Variants in KIF19 observed in about 807,000 individuals in gnomAD.
The protein encoded by KIF19 is kinesin family member 19.
In KIF19, 98 loss-of-function variants were observed where a neutral mutation model predicts 106.6. The observed-to-expected ratio is 0.92, with a 90% CI of 0.78 to 1.09. The LOEUF (loss-of-function observed/expected upper bound fraction) is 1.09, where lower values mean the gene tolerates loss of function less well. Ranked by LOEUF, KIF19 falls within the 50% of genes least tolerant of loss-of-function variation. KIF19 has a pLI of 0.00. For missense variants in KIF19, 1,373 were observed against 1,414.3 expected (o/e 0.97, Z 0.47); for synonymous variants, 516 against 584.2 (o/e 0.88, Z 1.68).
rs1281956060 is a variant in KIF19 at position 74,331,930 on chromosome 17, A to T, written c.120+3425A>T. Among the ~76,000 whole-genome samples, 1 of 152,144 alleles carries T rather than the reference A, an allele frequency of 6.6e-6. No homozygotes were observed. The highest frequency in any genetic ancestry group is 6.5e-5 in the Admixed American group (1 of 15,276). ...GTTGCCTTGGAAGGCCAGTGATTCC[A>T]GGACCCCGTTCAATTCCATTAGTAG... On this transcript the variant is annotated intron_variant, in intron 2 of 19. Transcript: ENST00000389916. The surrounding 1 kb of genome is among the most constrained non-coding windows in gnomAD (Gnocchi z 4.1).
At position 74,352,045 on chromosome 17, in the gene KIF19, C is replaced by A; in HGVS notation, c.1766C>A (p.Ala589Glu). 1 of 1,578,364 alleles carries A rather than the reference C, an allele frequency of 6.3e-7. No individual in the cohort carries two copies. The change falls in exon 13 of 20, where the codon GCG becomes GAG. Residue 589 changes from alanine (A) to glutamate (E), a missense_variant. By Grantham distance (107) the Ala-to-Glu change is moderately radical. Coordinates refer to ENST00000389916, the MANE Select transcript of KIF19 (RefSeq NM_153209.4). ...MQSHALLRDG[A>E]LRHRHEAVRR... is the part of the protein sequence containing the mutation. ...TCGCACGCGCTGCTCCGCGACGGTG[C>A]GCTCCGCCACCGCCACGAGGCCGTG...
rs1352098297 is a variant in KIF19, at chr17:74,352,335, C to G, written c.1975C>G (p.Leu659Val). 1 of 1,606,722 alleles carries G rather than the reference C, an allele frequency of 6.2e-7. No homozygotes were observed. The highest frequency in any genetic ancestry group is 1.7e-4 in the Middle Eastern group (1 of 6,038). The change falls in exon 14 of 20, where the codon CTG (leucine) becomes GTG (valine). Residue 659 changes from leucine (L) to valine (V), a missense_variant. Leu to Val is a conservative substitution (Grantham distance 32, BLOSUM62 1). This residue lies in a region of KIF19 where 1,020 missense variants were observed against 1,008.2 expected (regional missense o/e 1.01). Coordinates refer to ENST00000389916, the MANE Select transcript of KIF19 (RefSeq NM_153209.4). The stretch of plus-strand genomic sequence containing the variant: ...CATGGACCAAGTGGCCTCCAGGGCC[C>G]TGCAGGTGGGTGGGCGCCTGGGCGG... Reference protein sequence around the residue: ...TIMDQVASRALQDSSLPKITP... With the variant: ...TIMDQVASRAVQDSSLPKITP...
chr17:74,347,430 G>A (rs979068434), intron 8 of KIF19, among the ~76,000 whole-genome samples: 2 of 151,852 alleles, frequency 1.3e-5, no homozygotes, highest in Non-Finnish European at 2.9e-5. Context: ...CCAGCTACTC[G>A]AGAGGCTGAG....
chr17:74,340,555 G>GCGCGCGCACACACACACACACACA, intron 2 of KIF19, among the ~76,000 whole-genome samples: 2 of 148,210 alleles, frequency 1.3e-5, no homozygotes, highest in African/African-American at 5.0e-5. Context: ...ATGCGCGCGC[G>GCGCGCGCACACACACACACACACA]TACACACACA....
At position 74,351,941 on chromosome 17, in the gene KIF19, C is replaced by CGGCT; in HGVS notation, c.1663_1666dup (p.Ser556TrpfsTer125). On this transcript the variant is annotated frameshift_variant, in exon 13 of 20. Transcript: ENST00000389916. LOFTEE classifies it high-confidence loss of function. ...TGGAGGAGACGCTGCCGCGGCGCAT[C>CGGCT]GGCTCCGAGGAGCAGCGCGAGGTGC... 1 of 1,467,894 alleles carries CGGCT rather than the reference C, an allele frequency of 6.8e-7. No individual in the cohort carries two copies. Among genetic ancestry groups the CGGCT allele is most frequent in the South Asian group, 1.3e-5 (1 of 76,836 alleles). The allele number at this position is 1,467,894 out of a possible 1,614,324, so 90.9% of individuals were successfully genotyped here. A position where few individuals can be genotyped will look rare whatever the true frequency, so the allele number is the denominator to read the frequency against.
In KIF19 at chr17:74,352,132, T is replaced by C; in HGVS notation, c.1853T>C (p.Ile618Thr). The C allele has an allele frequency of 6.3e-7, 1 of 1,582,348 alleles. No individual in the cohort carries two copies. The highest frequency in any genetic ancestry group is 8.6e-7 in the Non-Finnish European group (1 of 1,161,356). The change falls in exon 13 of 20, where the codon ATC becomes ACC. Residue 618 changes from isoleucine to threonine, a missense_variant. Ile to Thr is a moderately conservative substitution (Grantham distance 89, BLOSUM62 -1). Coordinates refer to ENST00000389916, the MANE Select transcript of KIF19 (RefSeq NM_153209.4). ...ATTATCCAGGGCCAGCGGCAGATCA[T>C]CGACGGTAGGGCCCACGCCCCCGCG... Reference protein sequence around the residue: ...DEIIQGQRQIIDDYNLAVPQR... With the variant: ...DEIIQGQRQITDDYNLAVPQR...
intron 14 of KIF19, 135 bp from the exon 15 acceptor site, chr17:74,352,686 A>G: frequency 5.3e-6 from 6 of 1,129,516 alleles, no homozygotes; most frequent in Non-Finnish European, 7.7e-6. Flanking sequence ...GAGGACCCAA[A>G]CACAAGCCCA....
chr17:74,354,915 T>C lies in KIF19; in HGVS notation c.2840T>C (p.Val947Ala). 6.3e-7 allele frequency: 1 copy of C among 1,576,072 alleles called. No homozygotes were observed. Among genetic ancestry groups the C allele is most frequent in the Non-Finnish European group, 8.6e-7 (1 of 1,161,212 alleles). ...LGKVTLPLAK[V>A]KLPPSQNTGP... The stretch of plus-strand genomic sequence containing the variant: ...AAGGTCACGCTACCTTTGGCCAAAG[T>C]CAAACTCCCTCCAAGCCAGAACACG... The change falls in exon 19 of 20, where the codon GTC becomes GCC. Residue 947 changes from valine to alanine, a missense_variant. This residue lies in a region of KIF19 where 1,020 missense variants were observed against 1,008.2 expected (regional missense o/e 1.01). Coordinates refer to ENST00000389916, the MANE Select transcript of KIF19 (RefSeq NM_153209.4).
At chr17:74,336,447 A>G (rs780682718) in intron 2 of KIF19, among the ~76,000 whole-genome samples, 21 of 152,246 alleles carry the variant, frequency 1.4e-4, no homozygotes, top group Non-Finnish European at 2.8e-4. Flanking sequence ...TCCCCTTTTC[A>G]TAACGACACT....
chr17:74,341,799 T>C (rs2054379890), intron 2 of KIF19, 77 bp from the exon 3 acceptor site: 8 of 965,870 alleles, frequency 8.3e-6, no homozygotes, highest in African/African-American at 1.6e-5. Context: ...TTAACTTTGT[T>C]AACCTTCCTG....
At chr17:74,332,210 T>TTTGTGTGTG (rs2054109578) in intron 2 of KIF19, among the ~76,000 whole-genome samples, 120 of 108,830 alleles carry the variant, frequency 1.1e-3, no homozygotes, top group African/African-American at 4.2e-3. Flanking sequence ...GTGTGTGTGT[T>TTTGTGTGTG]TGTGTGTGTG....
Position 74,331,366 on chromosome 17 carries a change from A to AC in KIF19, c.120+2863dup, listed in dbSNP as rs1237094385. 8.0e-6 allele frequency among the ~76,000 whole-genome samples: 1 copy of AC among 125,386 alleles called. No homozygotes were observed. The highest frequency in any genetic ancestry group is 1.9e-5 in the Non-Finnish European group (1 of 53,256). 82.3% of individuals were successfully genotyped at this position (125,386 alleles called of 152,430 possible). The stretch of plus-strand genomic sequence containing the variant: ...GTTCGTCCTGAGTGGGGAGAGGTGG[A>AC]CCGGGGACACAGTAACCCGCTGGGC... On this transcript the variant is annotated intron_variant, in intron 2 of 19. Coordinates refer to ENST00000389916, the MANE Select transcript of KIF19 (RefSeq NM_153209.4). The surrounding 1 kb of genome is among the most constrained non-coding windows in gnomAD (Gnocchi z 4.1).
At chr17:74,354,070 G>T in intron 17 of KIF19, 92 bp from the exon 18 acceptor site, 9 of 1,398,802 alleles carry the variant, frequency 6.4e-6, no homozygotes, top group Non-Finnish European at 6.7e-6. Flanking sequence ...AAACCCAGGA[G>T]GTCTGGCTCC....
At chr17:74,342,054 G>A in intron 3 of KIF19, 68 bp downstream of exon 3, 2 of 1,131,184 alleles carry the variant, frequency 1.8e-6, no homozygotes, top group Admixed American at 1.9e-5. Flanking sequence ...CTCAGGAGGG[G>A]CCCTCCAGGG....
At chr17:74,347,186 A>T (rs544748599) in intron 8 of KIF19, among the ~76,000 whole-genome samples, 2 of 152,336 alleles carry the variant, frequency 1.3e-5, no homozygotes, top group East Asian at 3.9e-4. Flanking sequence ...AGCTGCCGTC[A>T]TGACTGCACC....
rs751423469 is a variant in KIF19 at position 74,350,717 on chromosome 17, G to A, written c.1399G>A (p.Glu467Lys). 1.9e-5 allele frequency: 31 copies of A among 1,613,640 alleles called. No homozygotes were observed. Among genetic ancestry groups the A allele is most frequent in the African/African-American group, 1.2e-4 (9 of 74,952 alleles). Residue 467 changes from glutamate to lysine, a missense_variant, in exon 12 of 20, where the codon GAG becomes AAG. Physicochemically the swap from Glu to Lys is moderately conservative, Grantham distance 56. Around this residue, in one of 3 missense-constraint regions of KIF19, gnomAD observed 1,020 missense variants for 1,008.2 expected, o/e 1.01. Coordinates refer to ENST00000389916, the MANE Select transcript of KIF19 (RefSeq NM_153209.4). ...HLLTIAGWKH[E>K]KSRRALKWRE... Reference sequence around the variant, plus strand: ...GTGGGGCTGCGGCAGCTGGAAGCATGAGAAGTCCCGCCGGGCCCTCAAATG... The same window carrying A: ...GTGGGGCTGCGGCAGCTGGAAGCATAAGAAGTCCCGCCGGGCCCTCAAATG...
At chr17:74,341,295 G>A (rs8077401) in intron 2 of KIF19, among the ~76,000 whole-genome samples, 72,015 of 151,960 alleles carry the variant, frequency 0.47, 17,210 homozygotes, top group Middle Eastern at 0.57. Context: ...TCCAGCCTGG[G>A]CAACGAGCAA....
intron 15 of KIF19, 106 bp downstream of exon 15, chr17:74,353,060 C>G (rs1050248172): frequency 6.9e-7 from 1 of 1,444,198 alleles, no homozygotes; most frequent in Non-Finnish European, 9.6e-7. Context: ...TGAGAGGGAG[C>G]AGGTGGCCCA....
At chr17:74,348,462 A>G (rs548405133) in intron 9 of KIF19, 71 of 160,842 alleles carry the variant, frequency 4.4e-4, no homozygotes, top group Non-Finnish European at 7.8e-4. Flanking sequence ...AACCCTTGCC[A>G]TCCGCTTAGA....
Sources: allele counts gnomAD v4.1 joint callset (sites outside exome capture counted in the v4.1 genomes callset), GRCh38; gene constraint gnomAD v4.1.1; regional missense constraint gnomAD v4.1.1; non-coding constraint Gnocchi (gnomAD v3.1); transcripts MANE v1.5; gene names NCBI Gene and HGNC (gene_info 2026-07-23, HGNC 2026-07-21).